Variants in SLC39A10 observed in about 807,000 individuals in gnomAD.
The protein encoded by SLC39A10 is zinc transporter ZIP10.
A neutral mutation model predicts 65.1 loss-of-function variants in SLC39A10; 13 were observed. The ratio of observed to expected loss-of-function variants is 0.20; its 90% CI spans 0.13 to 0.32. SLC39A10 has a LOEUF of 0.32. Ranked by LOEUF, SLC39A10 falls within the 10% of genes least tolerant of loss-of-function variation. SLC39A10 has a pLI of 1.00. For missense variants in SLC39A10, 831 were observed against 1,018.4 expected, an observed-to-expected ratio of 0.82 and a Z score of 2.50; for synonymous variants, 321 against 342.2, an observed-to-expected ratio of 0.94 and a Z score of 0.68.
rs375920044 is a variant in SLC39A10, at chr2:195,644,845, T to C, written c.-11-35187T>C. 5.3e-4 allele frequency among the ~76,000 whole-genome samples: 81 copies of C among 151,734 alleles called. 1 individual carries two copies. In the East Asian group the frequency reaches 0.015, roughly 27 times the overall value. The stretch of plus-strand genomic sequence containing the variant: ...ACAAAAGAAAATCACATTTGTATTA[T>C]GTTCAAGTTTTGCCCAGTTGCCTCA... On this transcript the variant is annotated intron_variant, in intron 2 of 2. Transcript: ENST00000458054.
At chr2:195,685,768 A>T (rs1279084601) in intron 3 of SLC39A10, among the ~76,000 whole-genome samples, 1 of 152,130 alleles carries the variant, frequency 6.6e-6, no homozygotes, top group African/African-American at 2.4e-5. Flanking sequence ...TTAATAATTG[A>T]ATTAATCTGT....
At chr2:195,643,751 T>C (rs1271152729) in intron 2 of SLC39A10, among the ~76,000 whole-genome samples, 1 of 152,226 alleles carries the variant, frequency 6.6e-6, no homozygotes, top group African/African-American at 2.4e-5. Flanking sequence ...CCCAAACTGG[T>C]AAAATTCTAC....
upstream of SLC39A10, among the ~76,000 whole-genome samples, chr2:195,652,464 G>A (rs1010378504): frequency 6.6e-6 from 1 of 150,782 alleles, no homozygotes; most frequent in Admixed American, 6.6e-5. Flanking sequence ...CAGGAGAATC[G>A]CCTGAGCCTG....
intron 8 of SLC39A10, among the ~76,000 whole-genome samples, chr2:195,724,776 G>C (rs1559050935): frequency 1.3e-5 from 2 of 151,522 alleles, no homozygotes. Flanking sequence ...AATCCAGCAG[G>C]CTTTTTTGCA....
At chr2:195,732,104 T>C (rs566142167) in intron 9 of SLC39A10, among the ~76,000 whole-genome samples, 1 of 152,318 alleles carries the variant, frequency 6.6e-6, no homozygotes, top group African/African-American at 2.4e-5. Context: ...GGATCCATAT[T>C]GTCGTCAGGT....
chr2:195,641,881 G>T (rs567677519), intron 2 of SLC39A10, among the ~76,000 whole-genome samples: 52 of 151,908 alleles, frequency 3.4e-4, no homozygotes, highest in African/African-American at 9.4e-4. Context: ...TAGTAGAGAC[G>T]GGTTTTCACC....
chr2:195,708,912 A>C, intron 5 of SLC39A10, 68 bp downstream of exon 5: 1 of 1,136,374 alleles, frequency 8.8e-7, no homozygotes, highest in Non-Finnish European at 1.2e-6. Context: ...TTTTCTGGGT[A>C]TATGCTTTCC....
chr2:195,632,381 C>A (rs1452095719), intron 2 of SLC39A10, among the ~76,000 whole-genome samples: 2 of 140,850 alleles, frequency 1.4e-5, no homozygotes, highest in Non-Finnish European at 3.0e-5. Flanking sequence ...CTCACTGCAA[C>A]CTCCTCGTCC....
At chr2:195,711,959 C>G (rs1691615002) in intron 5 of SLC39A10, among the ~76,000 whole-genome samples, 2 of 152,066 alleles carry the variant, frequency 1.3e-5, no homozygotes, top group African/African-American at 4.8e-5. Flanking sequence ...TTAACTCTTC[C>G]CAGTTTCTAT....
At chr2:195,704,265 G>A (rs1034451861) in intron 3 of SLC39A10, among the ~76,000 whole-genome samples, 1 of 152,112 alleles carries the variant, frequency 6.6e-6, no homozygotes, top group Non-Finnish European at 1.5e-5. Flanking sequence ...GTTGCTTTTA[G>A]AAAAGTTGCT....
At chr2:195,683,653 C>T in intron 2 of SLC39A10, 46 bp from the exon 3 acceptor site, 1 of 1,468,668 alleles carries the variant, frequency 6.8e-7, no homozygotes. Flanking sequence ...TGCATAATCT[C>T]CTTAAAGACA....
At chr2:195,638,333 AC>A (rs1323652723) in intron 2 of SLC39A10, among the ~76,000 whole-genome samples, 1 of 151,558 alleles carries the variant, frequency 6.6e-6, no homozygotes, top group Non-Finnish European at 1.5e-5. Flanking sequence ...ACTTTTTTAA[AC>A]TTTTTTTTTA....
intron 2 of SLC39A10, among the ~76,000 whole-genome samples, chr2:195,613,594 T>C (rs553380370): frequency 1.3e-5 from 2 of 152,344 alleles, no homozygotes; most frequent in African/African-American, 4.8e-5. Flanking sequence ...GAATTGTATA[T>C]AAAAATACCT....
chr2:195,737,119 C>A lies in SLC39A10; in HGVS notation c.*2078C>A, dbSNP rs1173167612. 6.6e-6 allele frequency: 1 copy of A among 152,526 alleles called. No homozygotes were observed. The highest frequency in any genetic ancestry group is 1.5e-5 in the Non-Finnish European group (1 of 68,000). 9.4% of individuals were successfully genotyped at this position (152,526 alleles called of 1,614,324 possible). On this transcript the variant is annotated 3_prime_UTR_variant, in exon 10 of 10. Transcript: ENST00000359634. Reference sequence around the variant, plus strand: ...TTCTCTCAAAAATGGTATTATCTTTCTTTATTTGCTAGATTCTTACAAATC... The same window carrying A: ...TTCTCTCAAAAATGGTATTATCTTTATTTATTTGCTAGATTCTTACAAATC...
intron 4 of SLC39A10, 74 bp from the exon 5 acceptor site, chr2:195,708,579 TATA>T: frequency 9.0e-7 from 1 of 1,109,272 alleles, no homozygotes; most frequent in Non-Finnish European, 1.2e-6. Context: ...TTTAGGAGAT[TATA>T]ATTATTATAA....
chr2:195,625,298 G>A (rs1272868677), intron 2 of SLC39A10, among the ~76,000 whole-genome samples: 5 of 149,146 alleles, frequency 3.4e-5, no homozygotes, highest in Admixed American at 3.3e-4. Context: ...TTTTTGAGAC[G>A]GAGTTTCGCT....
intron 3 of SLC39A10, among the ~76,000 whole-genome samples, chr2:195,689,715 T>A (rs1430902643): frequency 6.6e-6 from 1 of 152,198 alleles, no homozygotes; most frequent in Non-Finnish European, 1.5e-5. Flanking sequence ...TAGTAACTCC[T>A]ATTTCCCCCT....
chr2:195,613,749 T>C (rs1688146889), intron 2 of SLC39A10, among the ~76,000 whole-genome samples: 1 of 152,202 alleles, frequency 6.6e-6, no homozygotes, highest in South Asian at 2.1e-4. Context: ...CAGAGGTAGA[T>C]AAAAACATTA....
chr2:195,650,816 G>A (rs1186036622), intron 2 of SLC39A10, among the ~76,000 whole-genome samples: 1 of 152,034 alleles, frequency 6.6e-6, no homozygotes. Flanking sequence ...AGTTGTATTG[G>A]TTTATTTCTC....
Sources: gnomAD v4.1 joint callset for allele counts (sites outside exome capture counted in the v4.1 genomes callset) on GRCh38, gnomAD v4.1.1 for gene constraint, MANE v1.5 for transcripts, NCBI Gene and HGNC (gene_info 2026-07-23, HGNC 2026-07-21) for gene names.